The following FGF14 variants were observed in gnomAD, a reference collection of about 807,000 sequenced individuals.
The protein encoded by FGF14 is fibroblast growth factor 14.
In FGF14, 5 loss-of-function variants were observed where a neutral mutation model predicts 25.5. That is an observed-to-expected ratio of 0.20 (90% CI 0.10 to 0.41). The LOEUF is 0.41. Ranked by LOEUF, FGF14 falls within the 10% of genes least tolerant of loss-of-function variation. The pLI, the probability that FGF14 is intolerant of heterozygous loss-of-function variation, is 1.00. For missense variants in FGF14, 222 were observed against 320.1 expected, an observed-to-expected ratio of 0.69 and a Z score of 2.34; for synonymous variants, 138 against 118.3, an observed-to-expected ratio of 1.17 and a Z score of -1.08.
chr13:102,033,200 T>C (rs2041297705), intron 1 of FGF14, among the ~76,000 whole-genome samples: 1 of 152,108 alleles, frequency 6.6e-6, no homozygotes, highest in Non-Finnish European at 1.5e-5. Flanking sequence ...TATTCTGATT[T>C]CCAGAACATT....
intron 1 of FGF14, among the ~76,000 whole-genome samples, chr13:102,007,786 C>T (rs1287470158): frequency 6.6e-6 from 1 of 152,160 alleles, no homozygotes. Flanking sequence ...ATTTAAAGGA[C>T]ATGGTTCTCC....
chr13:101,937,600 G>C, intron 1 of FGF14, among the ~76,000 whole-genome samples: 1 of 152,070 alleles, frequency 6.6e-6, no homozygotes. Flanking sequence ...TTGTTTGTTT[G>C]TTTGTTTGTT....
intron 1 of FGF14, among the ~76,000 whole-genome samples, chr13:101,930,648 T>C (rs1325996273): frequency 1.3e-5 from 2 of 152,210 alleles, no homozygotes; most frequent in African/African-American, 4.8e-5. Flanking sequence ...ACGAAAAGTA[T>C]TTTACACTGT....
intron 1 of FGF14, among the ~76,000 whole-genome samples, chr13:102,123,072 C>T (rs1188022428): frequency 1.3e-5 from 2 of 152,126 alleles, no homozygotes; most frequent in Non-Finnish European, 2.9e-5. Flanking sequence ...AATTTATAGA[C>T]AGGTAGTGAG....
At chr13:101,881,702 TG>T (rs1208842917) in intron 1 of FGF14, among the ~76,000 whole-genome samples, 7 of 152,184 alleles carry the variant, frequency 4.6e-5, no homozygotes, top group Non-Finnish European at 8.8e-5. Flanking sequence ...GATTTGTGAA[TG>T]ATTTCATTTG....
intron 3 of FGF14, among the ~76,000 whole-genome samples, chr13:101,746,452 T>C (rs1261150453): frequency 6.6e-6 from 1 of 152,008 alleles, no homozygotes; most frequent in Admixed American, 6.6e-5. Context: ...CTGAAAACTC[T>C]AGCTCAGTGG....
At chr13:101,897,629 A>G (rs2138952171) in intron 1 of FGF14, among the ~76,000 whole-genome samples, 1 of 152,332 alleles carries the variant, frequency 6.6e-6, no homozygotes, top group African/African-American at 2.4e-5. Context: ...TTTTCAGGTA[A>G]GCTCATAGGT....
At chr13:101,990,654 C>T (rs956736412) in intron 1 of FGF14, among the ~76,000 whole-genome samples, 1 of 152,088 alleles carries the variant, frequency 6.6e-6, no homozygotes, top group African/African-American at 2.4e-5. Context: ...GGCTCATGCA[C>T]AGGCCTGGGC....
Position 101,967,795 on chromosome 13 carries a change from T to G in FGF14, c.209-92499A>C, listed in dbSNP as rs561460577. ...TGTCTTTTTAACCTCTATTGAATCC[T>G]CTACAAAACCTATTGCATGGCTTAG... On this transcript the variant is annotated intron_variant, in intron 1 of 4. Coordinates refer to the FGF14 transcript ENST00000376131. 3.7e-4 allele frequency: 57 copies of G among 154,294 alleles called. 2 individuals carry two copies. Among genetic ancestry groups the G allele is most frequent in the African/African-American group, 1.2e-3 (52 of 41,642 alleles). The allele number at this position is 154,294 out of a possible 1,614,324, so 9.6% of individuals were successfully genotyped here.
rs75307078 is a variant in FGF14, at chr13:102,033,617, C to A, written c.209-158321G>T. ...CATTACTTTCTCCTGATCTGTAAAG[C>A]TGTTCTCAGGACAAGATCTGAGCTA... On this transcript the variant is annotated intron_variant, in intron 1 of 4. Transcript: ENST00000376131. Among the ~76,000 whole-genome samples the A allele has an allele frequency of 1.7e-3, 264 of 152,250 alleles. 3 individuals carry two copies. The highest frequency in any genetic ancestry group is 5.9e-3 in the African/African-American group (247 of 41,570).
intron 3 of FGF14, among the ~76,000 whole-genome samples, chr13:101,798,194 C>G (rs548627155): frequency 1.3e-5 from 2 of 152,188 alleles, no homozygotes; most frequent in South Asian, 4.1e-4. Context: ...AAATCCTGGT[C>G]TCAACATGTC....
At chr13:102,154,535 A>G (rs1266658720) in intron 1 of FGF14, among the ~76,000 whole-genome samples, 1 of 152,216 alleles carries the variant, frequency 6.6e-6, no homozygotes, top group Non-Finnish European at 1.5e-5. Flanking sequence ...ATGGAAAGGA[A>G]CAACCGGTAC....
chr13:101,850,501 TATATATATATATA>T (rs1393692336), intron 3 of FGF14, among the ~76,000 whole-genome samples: 3,968 of 7,446 alleles, frequency 0.53, 1,115 homozygotes, highest in South Asian at 0.66. Context: ...TATATATATA[TATATATATATATA>T]GAATTATATA....
At chr13:101,800,005 G>A (rs1262630841) in intron 3 of FGF14, among the ~76,000 whole-genome samples, 1 of 152,036 alleles carries the variant, frequency 6.6e-6, no homozygotes. Context: ...AAGGAATGTC[G>A]ATTTTTAAGG....
intron 1 of FGF14, among the ~76,000 whole-genome samples, chr13:101,953,778 C>T (rs192428974): frequency 7.2e-4 from 109 of 151,604 alleles, no homozygotes; most frequent in African/African-American, 2.5e-3. Context: ...TTAGTAGAGA[C>T]GGGGTTTCAC....
intron 4 of FGF14, among the ~76,000 whole-genome samples, chr13:101,724,569 T>C (rs1216435709): frequency 7.0e-6 from 1 of 142,992 alleles, no homozygotes; most frequent in Non-Finnish European, 1.5e-5. Flanking sequence ...TGTGCACATG[T>C]ACCCTAGAAC....
At chr13:102,183,233 C>T (rs569272230) in intron 1 of FGF14, among the ~76,000 whole-genome samples, 1 of 152,050 alleles carries the variant, frequency 6.6e-6, no homozygotes, top group African/African-American at 2.4e-5. Context: ...GAATTTATTC[C>T]CCTAAGGATT....
At chr13:102,055,181 T>C (rs1238000600) in intron 1 of FGF14, among the ~76,000 whole-genome samples, 1 of 152,266 alleles carries the variant, frequency 6.6e-6, no homozygotes, top group Non-Finnish European at 1.5e-5. Flanking sequence ...TCCTGCCACA[T>C]GCCTCATGCA....
intron 3 of FGF14, among the ~76,000 whole-genome samples, chr13:101,748,199 C>T (rs2037017278): frequency 6.6e-6 from 1 of 151,676 alleles, no homozygotes; most frequent in Admixed American, 6.6e-5. Flanking sequence ...CTCAAAATAG[C>T]AAAGATAGGT....
Sources: allele counts gnomAD v4.1 joint callset (sites outside exome capture counted in the v4.1 genomes callset), GRCh38; gene constraint gnomAD v4.1.1; transcripts MANE v1.5; gene names NCBI Gene and HGNC (gene_info 2026-07-23, HGNC 2026-07-21).